The following TJP1 variants were observed in gnomAD, a reference collection of about 807,000 sequenced individuals.
The protein encoded by TJP1 is tight junction protein 1.
In TJP1, 43 loss-of-function variants were observed where a neutral mutation model predicts 194.2. That is an observed-to-expected ratio of 0.22 (90% CI 0.17 to 0.29). The LOEUF (loss-of-function observed/expected upper bound fraction) is 0.29, where lower values mean the gene tolerates loss of function less well. Ranked by LOEUF, TJP1 falls within the 10% of genes least tolerant of loss-of-function variation. The probability of loss-of-function intolerance (pLI) is 1.00; values close to 1 mark genes in which losing one functional copy is unlikely to be tolerated. For synonymous variants in TJP1, 801 were observed against 779.0 expected (o/e 1.03, Z -0.47); for missense variants, 1,971 against 2,185.7 (o/e 0.90, Z 1.96).
chr15:29,762,217 A>G, intron 6 of TJP1, 118 bp downstream of exon 6: 1 of 756,102 alleles, frequency 1.3e-6, no homozygotes, highest in Non-Finnish European at 2.1e-6. Context: ...CCTCTCCCCC[A>G]AACACTGATT....
intron 2 of TJP1, among the ~76,000 whole-genome samples, chr15:29,873,039 C>T (rs919761291): frequency 1.3e-5 from 2 of 152,168 alleles, no homozygotes; most frequent in African/African-American, 4.8e-5. Context: ...TTCAAAGCTG[C>T]GTTTGAAATG....
At chr15:29,749,010 T>C (rs561150664) in intron 8 of TJP1, among the ~76,000 whole-genome samples, 2 of 152,180 alleles carry the variant, frequency 1.3e-5, no homozygotes, top group Non-Finnish European at 2.9e-5. Flanking sequence ...ATAAAAATTA[T>C]GTGTTCGGAG....
chr15:29,969,021 T>C (rs531247425), upstream of TJP1, among the ~76,000 whole-genome samples: 709 of 146,280 alleles, frequency 4.8e-3, 11 homozygotes, highest in African/African-American at 0.016. Flanking sequence ...CGCCGCCCCT[T>C]CCACCCCTGC....
chr15:29,800,662 G>T lies in TJP1; in HGVS notation c.68C>A (p.Thr23Lys). 6.2e-7 allele frequency: 1 copy of T among 1,613,860 alleles called. No homozygotes were observed. Among genetic ancestry groups the T allele is most frequent in the Non-Finnish European group, 8.5e-7 (1 of 1,179,928 alleles). The part of the protein sequence containing the change: ...MEETAIWEQH[T>K]VTLHRAPGFG... ...CAAACTTACCCTGTGAAGCGTCACTGTATGTTGTTCCCATATAGCTGTTTC... is the reference window on the plus strand; with the variant it reads ...CAAACTTACCCTGTGAAGCGTCACTTTATGTTGTTCCCATATAGCTGTTTC... The change falls in exon 2 of 28, where the codon ACA (threonine) becomes AAA (lysine). Residue 23 changes from threonine (T) to lysine (K), a missense_variant. Coordinates refer to ENST00000614355, the MANE Select transcript of TJP1 (RefSeq NM_001330239.4).
At chr15:29,947,708 G>A (rs2055331762) in intron 2 of TJP1, among the ~76,000 whole-genome samples, 1 of 152,172 alleles carries the variant, frequency 6.6e-6, no homozygotes, top group Non-Finnish European at 1.5e-5. Flanking sequence ...TGAAACTAAA[G>A]GGCAAAGCTT....
At chr15:29,920,119 G>T (rs989253975) in intron 2 of TJP1, among the ~76,000 whole-genome samples, 14 of 152,186 alleles carry the variant, frequency 9.2e-5, no homozygotes, top group African/African-American at 3.4e-4. Context: ...GGCACTGCCA[G>T]GTAAGGAACC....
intron 18 of TJP1, among the ~76,000 whole-genome samples, chr15:29,725,377 G>A (rs1347576489): frequency 1.3e-5 from 2 of 152,152 alleles, no homozygotes; most frequent in East Asian, 3.8e-4. Flanking sequence ...GACATGGGGG[G>A]TCCTAAGCAT....
intron 2 of TJP1, among the ~76,000 whole-genome samples, chr15:29,899,056 T>C (rs895966676): frequency 1.3e-5 from 2 of 152,180 alleles, no homozygotes; most frequent in Non-Finnish European, 2.9e-5. Context: ...AGGAAGGGAA[T>C]GTGGAACATT....
At chr15:29,833,554 C>G (rs2050902652) in intron 2 of TJP1, among the ~76,000 whole-genome samples, 1 of 151,626 alleles carries the variant, frequency 6.6e-6, no homozygotes, top group African/African-American at 2.4e-5. Context: ...CCACCACATC[C>G]TGCTAATGTT....
chr15:29,878,203 C>G (rs2052782474), intron 2 of TJP1, among the ~76,000 whole-genome samples: 1 of 152,038 alleles, frequency 6.6e-6, no homozygotes, highest in Admixed American at 6.6e-5. Context: ...GCGCCCGCTA[C>G]CATGCTTGGC....
At chr15:29,848,949 T>C (rs2051527258) in intron 2 of TJP1, among the ~76,000 whole-genome samples, 1 of 152,148 alleles carries the variant, frequency 6.6e-6, no homozygotes, top group Non-Finnish European at 1.5e-5. Flanking sequence ...TACGTTTTTA[T>C]AAAATACTCT....
chr15:29,864,753 C>T (rs1288748047), intron 2 of TJP1, among the ~76,000 whole-genome samples: 1 of 152,110 alleles, frequency 6.6e-6, no homozygotes, highest in Non-Finnish European at 1.5e-5. Context: ...CTATCTCCAC[C>T]TTTCTTATCA....
intron 8 of TJP1, among the ~76,000 whole-genome samples, chr15:29,757,440 AC>A (rs2045715632): frequency 6.6e-6 from 1 of 152,192 alleles, no homozygotes; most frequent in African/African-American, 2.4e-5. Context: ...AATAAAAAAA[AC>A]AAAAGACTAT....
At chr15:29,888,268 CAT>C (rs907803559) in intron 2 of TJP1, among the ~76,000 whole-genome samples, 1 of 151,714 alleles carries the variant, frequency 6.6e-6, no homozygotes, top group African/African-American at 2.4e-5. Context: ...TGTGTATGTA[CAT>C]ATATATGTGC....
At chr15:29,760,349 A>C (rs1476622496) in intron 8 of TJP1, 1 of 674,386 alleles carries the variant, frequency 1.5e-6, no homozygotes, top group Non-Finnish European at 2.7e-6. Flanking sequence ...TACTACCAGT[A>C]TACCAGAACC....
chr15:29,783,199 G>T (rs539355325), intron 2 of TJP1, among the ~76,000 whole-genome samples: 1 of 152,130 alleles, frequency 6.6e-6, no homozygotes, highest in Non-Finnish European at 1.5e-5. Flanking sequence ...GTTTGAACCC[G>T]GGAGGCAGAG....
intron 2 of TJP1, among the ~76,000 whole-genome samples, chr15:29,913,663 TG>T (rs2054093499): frequency 6.6e-6 from 1 of 151,956 alleles, no homozygotes; most frequent in Non-Finnish European, 1.5e-5. Flanking sequence ...AAATAACTAG[TG>T]AGTGAGAGTG....
chr15:29,864,237 CAAAAAAAAA>C (rs397975539), intron 2 of TJP1, among the ~76,000 whole-genome samples: 255 of 18,942 alleles, frequency 0.013, 1 homozygote, highest in African/African-American at 0.035. Flanking sequence ...ACTAAAAATA[CAAAAAAAAA>C]AAAAAAAAAA....
At chr15:29,781,542 T>G (rs1392785123) in intron 2 of TJP1, among the ~76,000 whole-genome samples, 1 of 152,160 alleles carries the variant, frequency 6.6e-6, no homozygotes, top group Admixed American at 6.6e-5. Context: ...TTATCTTTGA[T>G]ACACATTGAT....
Sources: allele counts gnomAD v4.1 joint callset (sites outside exome capture counted in the v4.1 genomes callset), GRCh38; gene constraint gnomAD v4.1.1; transcripts MANE v1.5; gene names NCBI Gene and HGNC (gene_info 2026-07-23, HGNC 2026-07-21).